Variants in DIAPH3 observed in about 807,000 individuals in gnomAD.
The protein encoded by DIAPH3 is diaphanous related formin 3, also known as protein diaphanous homolog 3.
DIAPH3 carries 117 observed loss-of-function variants against 144.3 expected under a neutral mutation model. That is an observed-to-expected ratio of 0.81 (90% CI 0.70 to 0.95). The LOEUF (loss-of-function observed/expected upper bound fraction) is 0.95, where lower values mean the gene tolerates loss of function less well. Ranked by LOEUF, DIAPH3 falls within the 40% of genes least tolerant of loss-of-function variation. The pLI is 0.00. For missense variants in DIAPH3, 1,421 were observed against 1,412.7 expected (o/e 1.01, Z -0.09); for synonymous variants, 519 against 488.9 (o/e 1.06, Z -0.81).
chr13:59,906,173 A>T (rs532035663), intron 20 of DIAPH3, among the ~76,000 whole-genome samples: 1 of 152,358 alleles, frequency 6.6e-6, no homozygotes, highest in Non-Finnish European at 1.5e-5. Context: ...CACGGAGAGA[A>T]ACTACAACTA....
chr13:60,047,729 A>T (rs906215170), intron 4 of DIAPH3, among the ~76,000 whole-genome samples: 2 of 152,236 alleles, frequency 1.3e-5, no homozygotes, highest in African/African-American at 4.8e-5. Context: ...AGATTTCTTA[A>T]ATAGGACACA....
intron 1 of DIAPH3, among the ~76,000 whole-genome samples, chr13:60,159,577 T>C (rs1952190802): frequency 6.6e-6 from 1 of 151,896 alleles, no homozygotes. Context: ...TGAGCCAAGA[T>C]TGTGCCACTG....
chr13:60,066,937 T>C (rs534901834), intron 4 of DIAPH3, among the ~76,000 whole-genome samples: 1 of 152,374 alleles, frequency 6.6e-6, no homozygotes, highest in East Asian at 1.9e-4. Context: ...AAAGGAACTA[T>C]ATGTTTATGG....
chr13:60,042,713 C>G lies in DIAPH3; in HGVS notation c.603G>C (p.Val201=). Residue 201 remains valine, a synonymous_variant, in exon 5 of 28, where the codon GTG becomes GTC. Transcript: ENST00000400324. The part of the protein sequence containing the change: ...RLVTCLESLR[V]SLTSNPVSWV... ...ACCTCACAGGATTGCTGGTCAAAGA[C>G]ACTCGGAGAGACTCCAGGCATGTGA... 1 of 1,613,682 alleles carries G rather than the reference C, an allele frequency of 6.2e-7. No individual in the cohort carries two copies.
At chr13:60,142,473 A>G (rs1435353034) in intron 1 of DIAPH3, among the ~76,000 whole-genome samples, 2 of 152,218 alleles carry the variant, frequency 1.3e-5, no homozygotes, top group African/African-American at 4.8e-5. Context: ...TAGAGAAAAA[A>G]CAGTAAGAAA....
intron 1 of DIAPH3, among the ~76,000 whole-genome samples, chr13:60,155,571 C>A (rs1951991046): frequency 6.6e-6 from 1 of 152,184 alleles, no homozygotes; most frequent in Non-Finnish European, 1.5e-5. Flanking sequence ...GATTTTACCT[C>A]CTTCTGAAGC....
chr13:59,910,678 G>A (rs575501196), intron 20 of DIAPH3, among the ~76,000 whole-genome samples: 23 of 150,342 alleles, frequency 1.5e-4, no homozygotes, highest in Non-Finnish European at 3.0e-4. Flanking sequence ...TTGGTGAGTC[G>A]AGATTGCACC....
Position 59,916,157 on chromosome 13 carries a change from G to C in DIAPH3, c.2263C>G (p.Gln755Glu). Residue 755 changes from glutamine (Q) to glutamate (E), a missense_variant and splice_region_variant, in exon 19 of 28, where the codon CAG (glutamine) becomes GAG (glutamate). Coordinates refer to ENST00000400324, the MANE Select transcript of DIAPH3 (RefSeq NM_001042517.2). Reference protein sequence around the residue: ...DETRLAESMIQNLIKHLPDQE... With the variant: ...DETRLAESMIENLIKHLPDQE... ...TTAAGCTGTGCCTGTTTGTTTACCT[G>C]AATCATAGACTCTGCCAACCGTGTT... The C allele has an allele frequency of 6.2e-7, 1 of 1,611,602 alleles. No individual in the cohort carries two copies. Among genetic ancestry groups the C allele is most frequent in the Non-Finnish European group, 8.5e-7 (1 of 1,178,026 alleles).
chr13:59,843,713 T>C (rs557047576), intron 22 of DIAPH3, among the ~76,000 whole-genome samples: 5 of 152,360 alleles, frequency 3.3e-5, no homozygotes, highest in Non-Finnish European at 5.9e-5. Flanking sequence ...TTGCACATTA[T>C]GGTTAAGCAG....
intron 20 of DIAPH3, among the ~76,000 whole-genome samples, chr13:59,901,449 A>G (rs1280398576): frequency 3.3e-5 from 5 of 152,104 alleles, no homozygotes; most frequent in Non-Finnish European, 7.4e-5. Context: ...CTTCTGCTCA[A>G]CTCTTACCTC....
chr13:59,710,581 A>C (rs1475031394), intron 27 of DIAPH3, among the ~76,000 whole-genome samples: 3 of 152,232 alleles, frequency 2.0e-5, no homozygotes, highest in Non-Finnish European at 4.4e-5. Context: ...CTCTGGCAAC[A>C]GACTGGGTTG....
At chr13:60,139,337 G>T (rs1479965999) in intron 1 of DIAPH3, among the ~76,000 whole-genome samples, 1 of 152,148 alleles carries the variant, frequency 6.6e-6, no homozygotes, top group African/African-American at 2.4e-5. Flanking sequence ...GAGATGTTAG[G>T]AACAGGTGAG....
At chr13:59,861,573 T>A in intron 21 of DIAPH3, 37 bp from the exon 22 acceptor site, 4 of 1,586,596 alleles carry the variant, frequency 2.5e-6, no homozygotes, top group Non-Finnish European at 3.5e-6. Context: ...CACAGAGTCA[T>A]AAGTATGTTG....
chr13:59,971,239 G>A, intron 15 of DIAPH3, 79 bp from the exon 16 acceptor site: 2 of 1,376,602 alleles, frequency 1.5e-6, no homozygotes, highest in Non-Finnish European at 2.0e-6. Flanking sequence ...TCAAAAATAA[G>A]GCATTCATTT....
intron 17 of DIAPH3, among the ~76,000 whole-genome samples, chr13:59,951,998 A>T (rs955305238): frequency 2.0e-5 from 3 of 152,210 alleles, no homozygotes; most frequent in Non-Finnish European, 2.9e-5. Flanking sequence ...GCCAAAAGGC[A>T]GAATCACCCT....
intron 17 of DIAPH3, among the ~76,000 whole-genome samples, chr13:59,932,394 T>A (rs1594037939): frequency 6.6e-6 from 1 of 152,090 alleles, no homozygotes; most frequent in Non-Finnish European, 1.5e-5. Context: ...ACTACTAGTA[T>A]CATTGTCATC....
chr13:60,162,732 A>G (rs1952350907), intron 1 of DIAPH3, among the ~76,000 whole-genome samples: 1 of 151,394 alleles, frequency 6.6e-6, no homozygotes, highest in Non-Finnish European at 1.5e-5. Flanking sequence ...TTTGTGAATC[A>G]TGACTTAAAT....
rs190486723 is a variant in DIAPH3 at position 60,043,575 on chromosome 13, G to A, written c.496-755C>T. ...AGAGGCCAGATCATGGAGTGATAGA[G>A]CACTACTATGCAATTAGCTCTCCTG... On this transcript the variant is annotated intron_variant, in intron 4 of 27. Transcript: ENST00000400324. 3.3e-3 allele frequency among the ~76,000 whole-genome samples: 505 copies of A among 152,298 alleles called. 2 individuals carry two copies. Among genetic ancestry groups the A allele is most frequent in the African/African-American group, 0.011 (464 of 41,582 alleles).
At chr13:60,152,626 G>A (rs186303632) in intron 1 of DIAPH3, among the ~76,000 whole-genome samples, 10 of 151,490 alleles carry the variant, frequency 6.6e-5, no homozygotes, top group Non-Finnish European at 1.0e-4. Flanking sequence ...AGATAAGAAG[G>A]GAGAAAATGA....
Sources: gnomAD v4.1 joint callset for allele counts (sites outside exome capture counted in the v4.1 genomes callset) on GRCh38, gnomAD v4.1.1 for gene constraint, MANE v1.5 for transcripts, NCBI Gene and HGNC (gene_info 2026-07-23, HGNC 2026-07-21) for gene names.